Variants in GFM2 observed in about 807,000 individuals in gnomAD.
The protein encoded by GFM2 is ribosome-releasing factor 2, mitochondrial.
In GFM2, 72 loss-of-function variants were observed where a neutral mutation model predicts 95.4. The ratio of observed to expected loss-of-function variants is 0.76; its 90% CI spans 0.62 to 0.92. The LOEUF (loss-of-function observed/expected upper bound fraction) is 0.92, where lower values mean the gene tolerates loss of function less well. Ranked by LOEUF, GFM2 falls within the 40% of genes least tolerant of loss-of-function variation. The pLI, the probability that GFM2 is intolerant of heterozygous loss-of-function variation, is 0.00. For synonymous variants in GFM2, 276 were observed against 317.5 expected, an observed-to-expected ratio of 0.87 and a Z score of 1.39; for missense variants, 825 against 924.1, an observed-to-expected ratio of 0.89 and a Z score of 1.39.
chr5:74,765,632 T>C (rs964174458), intron 1 of GFM2, among the ~76,000 whole-genome samples: 1 of 152,108 alleles, frequency 6.6e-6, no homozygotes, highest in Non-Finnish European at 1.5e-5. Flanking sequence ...ACCTAAAATA[T>C]ACAAATGCTA....
At chr5:74,723,104 G>A (rs999141694) in intron 19 of GFM2, among the ~76,000 whole-genome samples, 2 of 152,032 alleles carry the variant, frequency 1.3e-5, no homozygotes, top group African/African-American at 4.8e-5. Flanking sequence ...TAAAAATTAA[G>A]AGAAAAAAAT....
intron 5 of GFM2, among the ~76,000 whole-genome samples, chr5:74,756,574 G>C (rs1006931234): frequency 6.6e-6 from 1 of 152,046 alleles, no homozygotes; most frequent in Non-Finnish European, 1.5e-5. Context: ...TCAAATGGTA[G>C]TTCTACTTTT....
At position 74,721,642 on chromosome 5, in the gene GFM2, A is replaced by AAAACTAAAACATTT; in HGVS notation, c.2339_*12dup. 6.2e-7 allele frequency: 1 copy of AAAACTAAAACATTT among 1,606,456 alleles called. No homozygotes were observed. The highest frequency in any genetic ancestry group is 8.5e-7 in the Non-Finnish European group (1 of 1,178,376). ...CTAGGTGCTCCTGAATTTCTCTCCA[A>AAAACTAAAACATTT]AAACTAAAACATTTAGGTCAAACCA... is the stretch of plus-strand genomic sequence containing the variant. On this transcript the variant is annotated 3_prime_UTR_variant, in exon 21 of 21. Coordinates refer to ENST00000296805, the MANE Select transcript of GFM2 (RefSeq NM_032380.5).
intron 17 of GFM2, among the ~76,000 whole-genome samples, chr5:74,727,708 C>T (rs1198411481): frequency 1.3e-5 from 2 of 152,232 alleles, no homozygotes; most frequent in Non-Finnish European, 2.9e-5. Context: ...TGACCATTTC[C>T]TCTCTCACAC....
Position 74,736,952 on chromosome 5 carries a change from A to G in GFM2, c.1354T>C (p.Ser452Pro). 4 of 1,613,644 alleles carry G rather than the reference A, an allele frequency of 2.5e-6. No individual in the cohort carries two copies. Among genetic ancestry groups the G allele is most frequent in the Non-Finnish European group, 3.4e-6 (4 of 1,179,718 alleles). ...CTACGAGCTGCAGCTAATGCACTGG[A>G]CTTGGATGAGACAATGGTGTCTCCA... ...ATGDTIVSSK[S>P]SALAAARRAE... The change falls in exon 15 of 21, where the codon TCC becomes CCC. Residue 452 changes from serine (S) to proline (P), a missense_variant. Physicochemically the swap from Ser to Pro is moderately conservative, Grantham distance 74. Transcript: ENST00000296805.
intron 17 of GFM2, among the ~76,000 whole-genome samples, chr5:74,726,544 C>A (rs977764879): frequency 6.6e-6 from 1 of 152,062 alleles, no homozygotes; most frequent in South Asian, 2.1e-4. Flanking sequence ...TCCTGACAAC[C>A]CACAAAATGT....
At chr5:74,748,276 TA>T (rs941109482) in intron 7 of GFM2, among the ~76,000 whole-genome samples, 2 of 152,236 alleles carry the variant, frequency 1.3e-5, no homozygotes, top group Non-Finnish European at 2.9e-5. Context: ...ATTTTTTAGG[TA>T]AAATTTATAT....
chr5:74,733,559 G>A (rs1263964714), intron 15 of GFM2, among the ~76,000 whole-genome samples: 1 of 152,086 alleles, frequency 6.6e-6, no homozygotes, highest in Non-Finnish European at 1.5e-5. Context: ...TTGGGAAAAA[G>A]AGCAAGAAGA....
intron 17 of GFM2, among the ~76,000 whole-genome samples, chr5:74,726,970 T>G (rs1051716097): frequency 6.6e-6 from 1 of 152,102 alleles, no homozygotes; most frequent in East Asian, 1.9e-4. Flanking sequence ...AATTTGAGAC[T>G]AGCCTGGGCA....
Position 74,746,124 on chromosome 5 carries a change from G to A in GFM2, c.650C>T (p.Ala217Val). ...ATTTACCTGTAAAAGCAAAGGCTTT[G>A]CCTTTAACTTCTCTCTGATGCTTTC... ...AVESIREKLK[A>V]KPLLLQLPIG... The change falls in exon 9 of 21, where the codon GCA becomes GTA. Residue 217 changes from alanine to valine, a missense_variant. Coordinates refer to ENST00000296805, the MANE Select transcript of GFM2 (RefSeq NM_032380.5). 1.3e-6 allele frequency: 2 copies of A among 1,550,248 alleles called. No homozygotes were observed. Among genetic ancestry groups the A allele is most frequent in the Non-Finnish European group, 1.7e-6 (2 of 1,156,250 alleles).
chr5:74,722,499 A>G lies in GFM2; in HGVS notation c.2091T>C (p.Ala697=). 3 of 1,614,016 alleles carry G rather than the reference A, an allele frequency of 1.9e-6. No individual in the cohort carries two copies. The highest frequency in any genetic ancestry group is 2.5e-6 in the Non-Finnish European group (3 of 1,179,902). ...EPLMNLEVTV[A]RDYLSPVLAD... is the part of the protein sequence containing the mutation. ...CCAGGACAGGGCTGAGATAATCTCT[A>G]GCTACTGTAACCTCAAGATTCATCA... Residue 697 remains alanine (A), a synonymous_variant, in exon 20 of 21, where the codon GCT becomes GCC. Transcript: ENST00000296805.
intron 1 of GFM2, chr5:74,765,144 C>A: frequency 8.5e-7 from 1 of 1,173,428 alleles, no homozygotes; most frequent in Non-Finnish European, 1.1e-6. Flanking sequence ...AGTCTCTCCA[C>A]AGTTGTGACT....
intron 1 of GFM2, among the ~76,000 whole-genome samples, chr5:74,766,533 G>T (rs17647023): frequency 0.18 from 27,350 of 151,990 alleles, 3,009 homozygotes; most frequent in Non-Finnish European, 0.24. Flanking sequence ...GACACTAGGG[G>T]GCCACTAAAT....
In GFM2 at chr5:74,759,406, T is replaced by C. The variant is rs545061721; in HGVS notation, c.169A>G (p.Lys57Glu). ...SLPGLIGNDI[K>E]SLHSIINPPI... ...GGATTGATGATGGAATGAAGGGATT[T>C]GATATCATTTCCTATTAAGCCTAAT... The change falls in exon 4 of 21, where the codon AAA becomes GAA. Residue 57 changes from lysine (K) to glutamate (E), a missense_variant. Physicochemically the swap from Lys to Glu is moderately conservative, Grantham distance 56. Coordinates refer to ENST00000296805, the MANE Select transcript of GFM2 (RefSeq NM_032380.5). 1.3e-5 allele frequency: 20 copies of C among 1,527,716 alleles called. No individual in the cohort carries two copies. The South Asian group carries it at 1.7e-4, about 13-fold the overall frequency. 94.6% of individuals were successfully genotyped at this position (1,527,716 alleles called of 1,614,324 possible).
chr5:74,764,790 T>TG (rs1744464914), intron 1 of GFM2, among the ~76,000 whole-genome samples: 1 of 140,574 alleles, frequency 7.1e-6, no homozygotes, highest in Admixed American at 7.0e-5. Flanking sequence ...TTTTTTTTTT[T>TG]TTTTTTTTTT....
intron 10 of GFM2, among the ~76,000 whole-genome samples, chr5:74,744,104 T>C (rs1316228507): frequency 6.6e-6 from 1 of 152,306 alleles, no homozygotes; most frequent in Non-Finnish European, 1.5e-5. Context: ...ACCAACATCA[T>C]AGAGTGTACT....
rs545249771 is a variant in GFM2 at position 74,761,069 on chromosome 5, C to T, written c.64-83G>A. The T allele has an allele frequency of 1.2e-5, 9 of 780,996 alleles. No individual in the cohort carries two copies. The African/African-American group carries it at 1.6e-4, about 14-fold the overall frequency. 48.4% of individuals were successfully genotyped at this position (780,996 alleles called of 1,614,324 possible). ...TGTTAATATTGTAATTACGCTTTGT[C>T]AGAAGATAAAATATTTTGTATAGCT... On this transcript the variant is annotated intron_variant, in intron 2 of 20. Transcript: ENST00000296805.
chr5:74,761,076 T>G, intron 2 of GFM2, 90 bp from the exon 3 acceptor site: 1 of 755,882 alleles, frequency 1.3e-6, no homozygotes, highest in Admixed American at 2.5e-5. Context: ...TGTCAGAAGA[T>G]AAAATATTTT....
intron 16 of GFM2, among the ~76,000 whole-genome samples, chr5:74,732,128 A>ATTTTTTTTTTTTTTTTTTTTTTTTTTTTT (rs533165001): frequency 1.2e-5 from 1 of 85,440 alleles, no homozygotes; most frequent in African/African-American, 4.8e-5. Flanking sequence ...CTAATTTTTA[A>ATTTTTTTTTTTTTTTTTTTTTTTTTTTTT]TTTTTTTTTT....
Sources: gnomAD v4.1 joint callset for allele counts (sites outside exome capture counted in the v4.1 genomes callset) on GRCh38, gnomAD v4.1.1 for gene constraint, MANE v1.5 for transcripts, NCBI Gene and HGNC (gene_info 2026-07-23, HGNC 2026-07-21) for gene names.